CEP164: variants seen among roughly 807,000 people sequenced by gnomAD.
CEP164 encodes centrosomal protein 164, also known as centrosomal protein of 164 kDa.
CEP164 carries 162 observed loss-of-function variants against 182.7 expected under a neutral mutation model. That is an observed-to-expected ratio of 0.89 (90% CI 0.78 to 1.01). CEP164 has a LOEUF of 1.01. Among genes scored for constraint, CEP164 ranks in the 50% least tolerant of loss-of-function variants. CEP164 has a pLI of 0.00. For synonymous variants in CEP164, 661 were observed against 690.0 expected, an observed-to-expected ratio of 0.96 and a Z score of 0.66; for missense variants, 1,735 against 1,790.4, an observed-to-expected ratio of 0.97 and a Z score of 0.56.
At chr11:117,390,749 A>G (rs752025982) in intron 15 of CEP164, 28 bp from the exon 16 acceptor site, 14 of 1,613,366 alleles carry the variant, frequency 8.7e-6, no homozygotes, top group Admixed American at 5.0e-5. Context: ...GGTTTCTCTG[A>G]CAACCTAGCC....
At position 117,394,125 on chromosome 11, in the gene CEP164, C is replaced by T. The variant is rs999819435; in HGVS notation, c.2617-225C>T. Among the ~76,000 whole-genome samples the T allele has an allele frequency of 6.6e-6, 1 of 152,250 alleles. No individual in the cohort carries two copies. Among genetic ancestry groups the T allele is most frequent in the African/African-American group, 2.4e-5 (1 of 41,464 alleles). Reference sequence around the variant, plus strand: ...AGGGAGAGCCAGAAAGGGAATCTGTCGTGGTGTCTGACCAGCCTCTGCTTC... The same window carrying T: ...AGGGAGAGCCAGAAAGGGAATCTGTTGTGGTGTCTGACCAGCCTCTGCTTC... On this transcript the variant is annotated intron_variant, in intron 20 of 32. Coordinates refer to ENST00000278935, the MANE Select transcript of CEP164 (RefSeq NM_014956.5). This position sits in a 1 kb window ranked among gnomAD's most constrained non-coding sequence, Gnocchi z 4.0.
chr11:117,328,535 C>G (rs2035675324), intron 1 of CEP164, among the ~76,000 whole-genome samples: 2 of 152,220 alleles, frequency 1.3e-5, no homozygotes, highest in Non-Finnish European at 2.9e-5. Flanking sequence ...CAGTAGAAAG[C>G]TCCCTTCTAC....
chr11:117,373,375 AAGAG>A (rs2042419001), intron 9 of CEP164, among the ~76,000 whole-genome samples: 1 of 152,018 alleles, frequency 6.6e-6, no homozygotes, highest in Non-Finnish European at 1.5e-5. Flanking sequence ...AAAAAAAAAA[AAGAG>A]CTTTTATCTA....
chr11:117,376,201 C>T (rs1245455090), intron 11 of CEP164, among the ~76,000 whole-genome samples: 1 of 152,248 alleles, frequency 6.6e-6, no homozygotes, highest in Admixed American at 6.5e-5. Flanking sequence ...CGCCACGCCT[C>T]TGCCTGCCAC....
chr11:117,378,171 CAT>C (rs1474710356), intron 11 of CEP164, among the ~76,000 whole-genome samples: 2 of 152,106 alleles, frequency 1.3e-5, no homozygotes, highest in Non-Finnish European at 2.9e-5. Flanking sequence ...GCTCGGCAAA[CAT>C]AATACATTTC....
chr11:117,396,256 G>C (rs913756743), intron 25 of CEP164, 76 bp downstream of exon 25: 1 of 1,516,354 alleles, frequency 6.6e-7, no homozygotes, highest in African/African-American at 1.4e-5. Flanking sequence ...GGCATCAGGG[G>C]AGTACTTCCA....
chr11:117,375,696 C>T lies in CEP164; in HGVS notation c.1234-12C>T, dbSNP rs2042668313. 1 of 1,613,632 alleles carries T rather than the reference C, an allele frequency of 6.2e-7. No individual in the cohort carries two copies. The highest frequency in any genetic ancestry group is 1.1e-5 in the South Asian group (1 of 91,050). ...GAGGCAGAGTTGACCTTTGCATCTC[C>T]ACTGTCTCCAGGACTTCGGTTTTCG... is the stretch of plus-strand genomic sequence containing the variant. On this transcript the variant is annotated splice_polypyrimidine_tract_variant and intron_variant, in intron 10 of 32. Coordinates refer to ENST00000278935, the MANE Select transcript of CEP164 (RefSeq NM_014956.5).
chr11:117,354,744 T>C (rs1380572829), intron 5 of CEP164, among the ~76,000 whole-genome samples: 1 of 150,326 alleles, frequency 6.7e-6, no homozygotes, highest in Admixed American at 6.6e-5. Context: ...TTTTTTAAAT[T>C]ATTATTTTTT....
chr11:117,358,537 G>A (rs1214558674), intron 5 of CEP164, among the ~76,000 whole-genome samples: 5 of 143,134 alleles, frequency 3.5e-5, no homozygotes, highest in African/African-American at 1.1e-4. Context: ...CCCCTCCCCC[G>A]GCCTTTTTTT....
intron 1 of CEP164, among the ~76,000 whole-genome samples, chr11:117,329,351 T>C (rs2035831231): frequency 6.6e-6 from 1 of 152,200 alleles, no homozygotes; most frequent in Non-Finnish European, 1.5e-5. Flanking sequence ...GGATAGAGCC[T>C]CTGTTCTTCC....
At chr11:117,324,906 CAA>C (rs2035373807), upstream of CEP164, among the ~76,000 whole-genome samples, 1 of 152,056 alleles carries the variant, frequency 6.6e-6, no homozygotes, top group Non-Finnish European at 1.5e-5. Context: ...AGCAAACAAA[CAA>C]ACAAACAAAA....
Position 117,405,336 on chromosome 11 carries a change from C to T in CEP164, c.3502-2589C>T, listed in dbSNP as rs533057903. ...CGGGTTGCAAAGATTGTGGGAAAAG[C>T]GTAGTATCTGGGCCGGAATGCACTG... On this transcript the variant is annotated intron_variant, in intron 27 of 32. Coordinates refer to ENST00000278935, the MANE Select transcript of CEP164 (RefSeq NM_014956.5). Among the ~76,000 whole-genome samples the T allele has an allele frequency of 2.8e-4, 42 of 152,296 alleles. 1 individual carries two copies. The East Asian group carries it at 3.3e-3, about 12-fold the overall frequency.
Position 117,411,970 on chromosome 11 carries a change from T to C in CEP164, c.4286+53T>C. On this transcript the variant is annotated intron_variant, in intron 32 of 32. Coordinates refer to ENST00000278935, the MANE Select transcript of CEP164 (RefSeq NM_014956.5). This position sits in a 1 kb window ranked among gnomAD's most constrained non-coding sequence, Gnocchi z 4.4. ...GGCTGGGCTGTGGGGACTGTGCTTG[T>C]GCCCTGAGGGGCTGAGGAGGATCCT... 6.2e-7 allele frequency: 1 copy of C among 1,611,946 alleles called. No homozygotes were observed. Among genetic ancestry groups the C allele is most frequent in the East Asian group, 2.2e-5 (1 of 44,866 alleles).
chr11:117,337,500 A>T (rs1422339053), intron 2 of CEP164, among the ~76,000 whole-genome samples: 1 of 150,844 alleles, frequency 6.6e-6, no homozygotes, highest in African/African-American at 2.4e-5. Flanking sequence ...ATAGTGAGAC[A>T]CCATCTCTGT....
At chr11:117,410,552 C>A in intron 30 of CEP164, 1 of 323,642 alleles carries the variant, frequency 3.1e-6, no homozygotes, top group Non-Finnish European at 5.8e-6. Context: ...AGCCAGGTGG[C>A]CTCCCCAGGT....
Position 117,408,930 on chromosome 11 carries a change from A to G in CEP164, c.3650A>G (p.Lys1217Arg), listed in dbSNP as rs2047009414. The part of the protein sequence containing the change: ...EGTLGGSPTK[K>R]AVTFDLSDMD... Reference sequence around the variant, plus strand: ...ACTCTGGGAGGATCCCCCACCAAGAAGGCAGTAACCTTCGACCTCAGTGAC... The same window carrying G: ...ACTCTGGGAGGATCCCCCACCAAGAGGGCAGTAACCTTCGACCTCAGTGAC... The change falls in exon 29 of 33, where the codon AAG (lysine) becomes AGG (arginine). Residue 1217 changes from lysine to arginine, a missense_variant. By Grantham distance (26) the Lys-to-Arg change is conservative. Coordinates refer to ENST00000278935, the MANE Select transcript of CEP164 (RefSeq NM_014956.5). 1.2e-6 allele frequency: 2 copies of G among 1,614,112 alleles called. No homozygotes were observed. Among genetic ancestry groups the G allele is most frequent in the Non-Finnish European group, 1.7e-6 (2 of 1,180,002 alleles).
chr11:117,348,973 TTTC>T (rs2039293088), intron 4 of CEP164, among the ~76,000 whole-genome samples: 1 of 152,372 alleles, frequency 6.6e-6, no homozygotes, highest in South Asian at 2.1e-4. Context: ...GTGAGAATTC[TTTC>T]TTAAGGCTGA....
At chr11:117,358,073 C>G (rs2040503339) in intron 5 of CEP164, among the ~76,000 whole-genome samples, 1 of 152,188 alleles carries the variant, frequency 6.6e-6, no homozygotes, top group African/African-American at 2.4e-5. Context: ...CCTCTGCTTC[C>G]TAATTGCTGG....
At chr11:117,333,516 A>G (rs1224835311) in intron 1 of CEP164, among the ~76,000 whole-genome samples, 1 of 152,090 alleles carries the variant, frequency 6.6e-6, no homozygotes, top group African/African-American at 2.4e-5. Context: ...TGGAAAAACT[A>G]TTTCCTGGCT....
Sources: gnomAD v4.1 joint callset for allele counts (sites outside exome capture counted in the v4.1 genomes callset) on GRCh38, gnomAD v4.1.1 for gene constraint, Gnocchi (gnomAD v3.1) non-coding constraint, MANE v1.5 for transcripts, NCBI Gene and HGNC (gene_info 2026-07-23, HGNC 2026-07-21) for gene names.